The following VPS13B variants were observed in gnomAD, a reference collection of about 807,000 sequenced individuals.
VPS13B encodes vacuolar protein sorting 13 homolog B.
A neutral mutation model predicts 426.4 loss-of-function variants in VPS13B; 285 were observed. The observed-to-expected ratio is 0.67, with a 90% CI of 0.61 to 0.74. VPS13B has a LOEUF of 0.74. VPS13B is among the 30% of genes least tolerant of loss of function. VPS13B has a pLI of 0.00. For missense variants in VPS13B, 4,537 were observed against 4,782.6 expected (o/e 0.95, Z 1.51); for synonymous variants, 1,676 against 1,676.4 (o/e 1.00, Z 0.01).
At chr8:99,829,351 C>T (rs745770837) in intron 51 of VPS13B, among the ~76,000 whole-genome samples, 17 of 152,140 alleles carry the variant, frequency 1.1e-4, no homozygotes, top group African/African-American at 1.9e-4. Flanking sequence ...AGTTGGTCTT[C>T]GGTCTCTGAT....
chr8:99,116,639 G>GC (rs1194232790), intron 7 of VPS13B, among the ~76,000 whole-genome samples: 1 of 151,038 alleles, frequency 6.6e-6, no homozygotes, highest in African/African-American at 2.4e-5. Flanking sequence ...TTGCTATGTT[G>GC]CCCAGGCTGG....
intron 33 of VPS13B, among the ~76,000 whole-genome samples, chr8:99,621,097 G>GA (rs1828331710): frequency 6.6e-6 from 1 of 151,688 alleles, no homozygotes. Flanking sequence ...GGGTTAGGAA[G>GA]AAGTTGTTAA....
chr8:99,617,713 A>G (rs1828156791), intron 33 of VPS13B, among the ~76,000 whole-genome samples: 1 of 152,244 alleles, frequency 6.6e-6, no homozygotes, highest in Non-Finnish European at 1.5e-5. Flanking sequence ...TGTAAGGAAC[A>G]AGAAAACAAT....
At chr8:99,837,667 G>T (rs1192686672) in intron 54 of VPS13B, among the ~76,000 whole-genome samples, 1 of 152,172 alleles carries the variant, frequency 6.6e-6, no homozygotes, top group Non-Finnish European at 1.5e-5. Context: ...GGAGCTGTGT[G>T]CCATATGTCC....
intron 14 of VPS13B, among the ~76,000 whole-genome samples, chr8:99,156,198 CTT>C (rs1811350568): frequency 6.6e-6 from 1 of 152,052 alleles, no homozygotes; most frequent in Admixed American, 6.6e-5. Flanking sequence ...GATGCTGACT[CTT>C]GGATATCTAG....
intron 39 of VPS13B, among the ~76,000 whole-genome samples, chr8:99,735,945 C>T (rs1391963754): frequency 6.6e-6 from 1 of 152,180 alleles, no homozygotes; most frequent in Non-Finnish European, 1.5e-5. Context: ...CTTTGAATAG[C>T]CCATCTCCCT....
At chr8:99,722,187 G>C (rs978420362) in intron 39 of VPS13B, among the ~76,000 whole-genome samples, 7 of 152,080 alleles carry the variant, frequency 4.6e-5, no homozygotes, top group Admixed American at 1.3e-4. Context: ...TACCAACCTT[G>C]GTCTTCGTCA....
At chr8:99,850,382 T>C (rs576360550) in intron 55 of VPS13B, among the ~76,000 whole-genome samples, 1 of 149,598 alleles carries the variant, frequency 6.7e-6, no homozygotes, top group Non-Finnish European at 1.5e-5. Context: ...TACTTATACA[T>C]ACATACATAA....
chr8:99,700,293 C>T (rs1832212149), intron 36 of VPS13B, among the ~76,000 whole-genome samples: 2 of 152,208 alleles, frequency 1.3e-5, no homozygotes, highest in Admixed American at 6.5e-5. Flanking sequence ...CTAGCAGCAT[C>T]AGCATCACCT....
At chr8:99,758,773 G>A (rs1810767160) in intron 39 of VPS13B, among the ~76,000 whole-genome samples, 1 of 151,864 alleles carries the variant, frequency 6.6e-6, no homozygotes, top group Non-Finnish European at 1.5e-5. Flanking sequence ...TTGCCCTCTG[G>A]ATCATCTTCT....
At chr8:99,407,676 T>A (rs922218982) in intron 21 of VPS13B, among the ~76,000 whole-genome samples, 2 of 152,060 alleles carry the variant, frequency 1.3e-5, no homozygotes, top group Non-Finnish European at 2.9e-5. Flanking sequence ...ATTTTTTTAT[T>A]TTTTTATTAT....
At chr8:99,258,279 T>A (rs959692155) in intron 17 of VPS13B, among the ~76,000 whole-genome samples, 9 of 152,088 alleles carry the variant, frequency 5.9e-5, no homozygotes, top group Admixed American at 2.0e-4. Flanking sequence ...TTTGTTTTTT[T>A]TCTCAAGTTA....
chr8:99,739,672 A>G (rs1450534468), intron 39 of VPS13B, among the ~76,000 whole-genome samples: 1 of 152,078 alleles, frequency 6.6e-6, no homozygotes. Flanking sequence ...ACCAATATCC[A>G]CCGTTCTGCA....
chr8:99,412,164 A>G (rs1815708193), intron 21 of VPS13B, among the ~76,000 whole-genome samples: 1 of 152,232 alleles, frequency 6.6e-6, no homozygotes, highest in South Asian at 2.1e-4. Flanking sequence ...TGTGATATTG[A>G]TTCCTCCTAT....
chr8:99,163,190 C>T (rs1441515886), intron 15 of VPS13B, among the ~76,000 whole-genome samples: 1 of 151,874 alleles, frequency 6.6e-6, no homozygotes, highest in South Asian at 2.1e-4. Flanking sequence ...CAAGGCCCCA[C>T]CAGAGCAGCT....
intron 35 of VPS13B, among the ~76,000 whole-genome samples, chr8:99,674,459 G>C (rs950460740): frequency 6.6e-5 from 10 of 151,908 alleles, no homozygotes; most frequent in African/African-American, 2.4e-4. Flanking sequence ...TTTAACCTAT[G>C]TGTGTTCTTA....
chr8:99,334,509 T>C (rs1235845178), intron 19 of VPS13B, among the ~76,000 whole-genome samples: 2 of 152,082 alleles, frequency 1.3e-5, no homozygotes, highest in Admixed American at 6.6e-5. Context: ...ATAGCTCTTA[T>C]TATTTTGAGA....
intron 17 of VPS13B, among the ~76,000 whole-genome samples, chr8:99,212,722 A>G (rs1278243016): frequency 2.6e-5 from 4 of 152,130 alleles, no homozygotes; most frequent in African/African-American, 9.7e-5. Context: ...ATCTTAAGTG[A>G]TATAGTTTGT....
At chr8:99,756,721 G>A (rs1810660337) in intron 39 of VPS13B, among the ~76,000 whole-genome samples, 1 of 152,154 alleles carries the variant, frequency 6.6e-6, no homozygotes, top group South Asian at 2.1e-4. Flanking sequence ...ATGAGAAAAA[G>A]CCTGCCAAAT....
Sources: gnomAD v4.1 joint callset for allele counts (sites outside exome capture counted in the v4.1 genomes callset) on GRCh38, gnomAD v4.1.1 for gene constraint, MANE v1.5 for transcripts, NCBI Gene and HGNC (gene_info 2026-07-23, HGNC 2026-07-21) for gene names.